Variants in ABHD5 observed in about 807,000 individuals in gnomAD.
ABHD5 encodes 1-acylglycerol-3-phosphate O-acyltransferase ABHD5.
In ABHD5, 30 loss-of-function variants were observed where a neutral mutation model predicts 44.9. The observed-to-expected ratio is 0.67, with a 90% CI of 0.50 to 0.91. The LOEUF (loss-of-function observed/expected upper bound fraction) is 0.91. Ranked by LOEUF, ABHD5 falls within the 40% of genes least tolerant of loss-of-function variation. The pLI, the probability that ABHD5 is intolerant of heterozygous loss-of-function variation, is 0.00. For missense variants in ABHD5, 399 were observed against 423.4 expected (o/e 0.94, Z 0.50); for synonymous variants, 167 against 147.0 (o/e 1.14, Z -0.99).
intron 2 of ABHD5, chr3:43,699,578 T>C: frequency 1.9e-6 from 1 of 522,826 alleles, no homozygotes; most frequent in East Asian, 3.4e-5. Context: ...TGTTATACTC[T>C]TAAATTAGTA....
At position 43,720,540 on chromosome 3, in the gene ABHD5, T is replaced by C. The variant is rs1345916370; in HGVS notation, c.*2008T>C. ...CCCTGAGGTATAGTATATGTAATTT[T>C]GTGAAGATTGAGCTGGAAGGGAAGT... On this transcript the variant is annotated 3_prime_UTR_variant, in exon 7 of 7. Transcript: ENST00000644371. 1.3e-5 allele frequency: 2 copies of C among 152,240 alleles called. No homozygotes were observed. The highest frequency in any genetic ancestry group is 1.3e-4 in the Admixed American group (2 of 15,286). The allele number at this position is 152,240 out of a possible 1,614,324, so 9.4% of individuals were successfully genotyped here.
chr3:43,702,208 T>C lies in ABHD5; in HGVS notation c.134-7T>C. The C allele has an allele frequency of 6.3e-7, 1 of 1,575,452 alleles. No homozygotes were observed. The highest frequency in any genetic ancestry group is 8.6e-7 in the Non-Finnish European group (1 of 1,157,456). On this transcript the variant is annotated splice_polypyrimidine_tract_variant and splice_region_variant and intron_variant, in intron 2 of 6. Transcript: ENST00000644371. ...GAAACAGAATTTCTCTTTTATGTTT[T>C]CATTAGGTGTGCCTTGCACATACAA... is the stretch of plus-strand genomic sequence containing the variant.
intron 7 of ABHD5, among the ~76,000 whole-genome samples, chr3:43,729,815 A>G (rs1329665802): frequency 6.6e-6 from 1 of 152,226 alleles, no homozygotes; most frequent in Non-Finnish European, 1.5e-5. Context: ...TGCTACAGGG[A>G]TTCCAGAAAT....
intron 7 of ABHD5, among the ~76,000 whole-genome samples, chr3:43,731,627 T>C (rs2084913255): frequency 6.6e-6 from 1 of 151,732 alleles, no homozygotes; most frequent in African/African-American, 2.4e-5. Context: ...AGGTCGGGAG[T>C]TCACAACCAG....
intron 2 of ABHD5, among the ~76,000 whole-genome samples, chr3:43,701,177 A>G (rs1044452680): frequency 6.6e-6 from 1 of 152,210 alleles, no homozygotes; most frequent in Non-Finnish European, 1.5e-5. Context: ...ATGGGAATAC[A>G]CAGACGTATG....
At chr3:43,692,559 T>C (rs894675769) in intron 1 of ABHD5, among the ~76,000 whole-genome samples, 1 of 152,232 alleles carries the variant, frequency 6.6e-6, no homozygotes, top group Non-Finnish European at 1.5e-5. Context: ...CCATAGTTTC[T>C]AGACAGAAGT....
intron 5 of ABHD5, among the ~76,000 whole-genome samples, chr3:43,715,853 T>G (rs1036967966): frequency 2.6e-5 from 4 of 152,354 alleles, no homozygotes; most frequent in Admixed American, 6.5e-5. Context: ...CGAAGGGTAT[T>G]GAATCTCCCA....
rs144895259 is a variant in ABHD5 at position 43,704,806 on chromosome 3, T to A, written c.506+2219T>A. On this transcript the variant is annotated intron_variant, in intron 3 of 6. Transcript: ENST00000644371. ...AAAATGGTTTTTGAATGTTTGTGTC[T>A]AATGCTAGAAATAAAACTAGAGTAC... 6.5e-4 allele frequency among the ~76,000 whole-genome samples: 99 copies of A among 152,350 alleles called. 2 individuals carry two copies. The highest frequency in any genetic ancestry group is 2.3e-3 in the African/African-American group (96 of 41,590).
At chr3:43,729,599 T>C (rs1296291451) in intron 7 of ABHD5, among the ~76,000 whole-genome samples, 1 of 152,182 alleles carries the variant, frequency 6.6e-6, no homozygotes. Context: ...CAAATATAAA[T>C]AATAGTGTAG....
At position 43,722,252 on chromosome 3, in the gene ABHD5, G is replaced by C. The variant is rs2084845243; in HGVS notation, c.*3720G>C. On this transcript the variant is annotated 3_prime_UTR_variant, in exon 7 of 7. Transcript: ENST00000644371. ...TACAATGGGATACTACACAGCTGTA[G>C]AAAGGACTGCGAACTATTTTTGTAG... 6.6e-6 allele frequency: 1 copy of C among 152,244 alleles called. No individual in the cohort carries two copies. Among genetic ancestry groups the C allele is most frequent in the African/African-American group, 2.4e-5 (1 of 41,458 alleles). 9.4% of individuals were successfully genotyped at this position (152,244 alleles called of 1,614,324 possible).
rs1402862213 is a variant in ABHD5 at position 43,691,042 on chromosome 3, A to T, written c.47+3A>T. The T allele has an allele frequency of 1.9e-6, 3 of 1,553,294 alleles. No homozygotes were observed. The African/African-American group carries it at 4.3e-5, about 22-fold the overall frequency. ...GACTCTGCCGACACCGGAGAGAGGT[A>T]AGCGCAGCCGGCAGGGGGCTTCGTG... is the stretch of plus-strand genomic sequence containing the variant. On this transcript the variant is annotated splice_donor_region_variant and intron_variant, in intron 1 of 6. Transcript: ENST00000644371.
At chr3:43,693,524 C>T (rs187943555) in intron 1 of ABHD5, among the ~76,000 whole-genome samples, 2 of 152,260 alleles carry the variant, frequency 1.3e-5, no homozygotes, top group African/African-American at 4.8e-5. Flanking sequence ...CTCTCCTTCC[C>T]AAACCTTTGC....
In ABHD5 at chr3:43,717,662, C is replaced by T; in HGVS notation, c.774-9C>T. 6.2e-7 allele frequency: 1 copy of T among 1,614,030 alleles called. No individual in the cohort carries two copies. Among genetic ancestry groups the T allele is most frequent in the Non-Finnish European group, 8.5e-7 (1 of 1,179,930 alleles). Reference sequence around the variant, plus strand: ...ATCATACATCGTGATTTTCTCCTTGCCGTTAAAGTGGTGAGACAGCTTTCA... The same window carrying T: ...ATCATACATCGTGATTTTCTCCTTGTCGTTAAAGTGGTGAGACAGCTTTCA... On this transcript the variant is annotated splice_polypyrimidine_tract_variant and intron_variant, in intron 5 of 6. Transcript: ENST00000644371.
chr3:43,713,793 T>C (rs2084719963), intron 4 of ABHD5, among the ~76,000 whole-genome samples: 1 of 152,070 alleles, frequency 6.6e-6, no homozygotes, highest in African/African-American at 2.4e-5. Flanking sequence ...TAGGAGACAG[T>C]GATGGGCAAG....
chr3:43,706,063 T>A (rs2084614698), intron 3 of ABHD5, among the ~76,000 whole-genome samples: 2 of 152,166 alleles, frequency 1.3e-5, no homozygotes, highest in Admixed American at 1.3e-4. Context: ...TGTTTAGTGT[T>A]TGGTGTGTCT....
intron 3 of ABHD5, among the ~76,000 whole-genome samples, chr3:43,709,556 T>C (rs2149601067): frequency 6.6e-6 from 1 of 152,284 alleles, no homozygotes; most frequent in African/African-American, 2.4e-5. Context: ...TTTAACTAAA[T>C]TGTTTAGGGT....
chr3:43,701,656 T>C (rs1193631102), intron 2 of ABHD5, among the ~76,000 whole-genome samples: 1 of 152,196 alleles, frequency 6.6e-6, no homozygotes, highest in East Asian at 1.9e-4. Flanking sequence ...GTTCCTACAA[T>C]ACTTTGTCAA....
downstream of ABHD5, among the ~76,000 whole-genome samples, chr3:43,725,864 T>G (rs959250744): frequency 2.3e-4 from 35 of 151,866 alleles, no homozygotes; most frequent in Non-Finnish European, 4.1e-4. Context: ...TTTTTTGTTT[T>G]TTTGTTTTTT....
At chr3:43,717,400 ATAAT>A (rs1473925054) in intron 5 of ABHD5, among the ~76,000 whole-genome samples, 2 of 152,238 alleles carry the variant, frequency 1.3e-5, no homozygotes, top group Non-Finnish European at 2.9e-5. Context: ...TCCACAATAA[ATAAT>A]TTAATGATAG....
Sources: gnomAD v4.1 joint callset for allele counts (sites outside exome capture counted in the v4.1 genomes callset) on GRCh38, gnomAD v4.1.1 for gene constraint, MANE v1.5 for transcripts, NCBI Gene and HGNC (gene_info 2026-07-23, HGNC 2026-07-21) for gene names.